KHDRBS2: variants seen among roughly 807,000 people sequenced by gnomAD.
The protein encoded by KHDRBS2 is KH domain-containing, RNA-binding, signal transduction-associated protein 2.
KHDRBS2 carries 26 observed loss-of-function variants against 44.3 expected under a neutral mutation model. The observed-to-expected ratio is 0.59, with a 90% confidence interval of 0.43 to 0.81. The LOEUF (loss-of-function observed/expected upper bound fraction) is 0.81, where lower values mean the gene tolerates loss of function less well. Ranked by LOEUF, KHDRBS2 falls within the 40% of genes least tolerant of loss-of-function variation. The pLI, the probability that KHDRBS2 is intolerant of heterozygous loss-of-function variation, is 0.00. For missense variants in KHDRBS2, 476 were observed against 433.1 expected, an observed-to-expected ratio of 1.10 and a Z score of -0.88; for synonymous variants, 194 against 151.1, an observed-to-expected ratio of 1.28 and a Z score of -2.08.
rs1397120635 is a variant in KHDRBS2, at chr6:62,100,653, C to T, written c.220-52659G>A. On this transcript the variant is annotated intron_variant, in intron 2 of 8. Transcript: ENST00000281156. Reference sequence around the variant, plus strand: ...CCTAACCAGCAAAAAGACTGACTCACTGAAGGTTCAGGAAATCATTGGCAT... The same window carrying T: ...CCTAACCAGCAAAAAGACTGACTCATTGAAGGTTCAGGAAATCATTGGCAT... Among the ~76,000 whole-genome samples the T allele has an allele frequency of 2.0e-5, 3 of 152,292 alleles. No homozygotes were observed. The East Asian group carries it at 5.8e-4, about 29-fold the overall frequency.
the KHDRBS2 span, among the ~76,000 whole-genome samples, chr6:61,598,177 A>T: frequency 6.6e-6 from 1 of 151,226 alleles, no homozygotes; most frequent in East Asian, 2.0e-4. Context: ...AGTGGTAGCC[A>T]TGTCTGTCAG....
intron 4 of KHDRBS2, among the ~76,000 whole-genome samples, chr6:61,954,712 ACATG>A (rs1261669561): frequency 6.7e-4 from 79 of 118,428 alleles, no homozygotes; most frequent in Admixed American, 8.4e-4. Context: ...GTGTATATAC[ACATG>A]CATACTTATG....
chr6:62,077,315 C>T (rs1796539655), intron 2 of KHDRBS2, among the ~76,000 whole-genome samples: 1 of 151,982 alleles, frequency 6.6e-6, no homozygotes, highest in Non-Finnish European at 1.5e-5. Flanking sequence ...ATGAAATTGC[C>T]TGCCAGGCCT....
chr6:62,221,165 A>T (rs1172179406), intron 1 of KHDRBS2, among the ~76,000 whole-genome samples: 1 of 152,020 alleles, frequency 6.6e-6, no homozygotes, highest in African/African-American at 2.4e-5. Context: ...CACAACATGA[A>T]TGAAACTGGA....
chr6:61,736,484 G>A (rs1775383109), intron 6 of KHDRBS2, among the ~76,000 whole-genome samples: 1 of 151,856 alleles, frequency 6.6e-6, no homozygotes, highest in Non-Finnish European at 1.5e-5. Context: ...TTTAGGAATC[G>A]GGCTTTTGGT....
intron 4 of KHDRBS2, among the ~76,000 whole-genome samples, chr6:61,961,528 G>A (rs948568309): frequency 2.0e-5 from 3 of 151,930 alleles, no homozygotes; most frequent in Non-Finnish European, 2.9e-5. Flanking sequence ...CTGGCAAGGG[G>A]AGCAAGATGT....
chr6:62,133,444 A>G (rs1810807189), intron 2 of KHDRBS2, among the ~76,000 whole-genome samples: 1 of 152,208 alleles, frequency 6.6e-6, no homozygotes, highest in Non-Finnish European at 1.5e-5. Flanking sequence ...AGGCCTCTCC[A>G]GTAAGTGGAA....
chr6:61,556,872 A>ATTATTTTT, the KHDRBS2 span, among the ~76,000 whole-genome samples: 1 of 87,456 alleles, frequency 1.1e-5, no homozygotes, highest in Non-Finnish European at 2.2e-5. Context: ...TGAAATTGAG[A>ATTATTTTT]TTTTTTTTTT....
chr6:61,582,552 A>G, the KHDRBS2 span, among the ~76,000 whole-genome samples: 1 of 151,774 alleles, frequency 6.6e-6, no homozygotes, highest in African/African-American at 2.4e-5. Flanking sequence ...TATAAAGAAC[A>G]AAATTTCTAT....
At chr6:62,027,687 C>T (rs188650315) in intron 3 of KHDRBS2, among the ~76,000 whole-genome samples, 3 of 152,102 alleles carry the variant, frequency 2.0e-5, no homozygotes, top group East Asian at 1.9e-4. Context: ...TAATAACATG[C>T]TTATGAAATG....
At chr6:62,215,766 T>C (rs1025200658) in intron 1 of KHDRBS2, among the ~76,000 whole-genome samples, 1 of 151,786 alleles carries the variant, frequency 6.6e-6, no homozygotes, top group Admixed American at 6.6e-5. Context: ...TAATAAATCA[T>C]AGATTTTCAG....
At chr6:61,728,477 A>T (rs763496469) in intron 7 of KHDRBS2, among the ~76,000 whole-genome samples, 10 of 152,206 alleles carry the variant, frequency 6.6e-5, no homozygotes, top group Non-Finnish European at 1.3e-4. Context: ...AGATTTAGCT[A>T]CAAAGATATT....
At chr6:62,123,806 G>C (rs953850144) in intron 2 of KHDRBS2, among the ~76,000 whole-genome samples, 16 of 152,148 alleles carry the variant, frequency 1.1e-4, no homozygotes, top group Non-Finnish European at 1.5e-4. Flanking sequence ...AGGCAGTCTG[G>C]GACCTGTGGA....
At chr6:61,595,244 G>C in the KHDRBS2 span, among the ~76,000 whole-genome samples, 1 of 152,080 alleles carries the variant, frequency 6.6e-6, no homozygotes, top group Non-Finnish European at 1.5e-5. Context: ...AAGGAAATTA[G>C]TGTCTCAAAG....
At chr6:62,028,564 G>A (rs1783789711) in intron 3 of KHDRBS2, among the ~76,000 whole-genome samples, 1 of 152,000 alleles carries the variant, frequency 6.6e-6, no homozygotes, top group African/African-American at 2.4e-5. Context: ...TATGAACCAT[G>A]AAATCTATAT....
chr6:61,626,073 A>T, the KHDRBS2 span, among the ~76,000 whole-genome samples: 3 of 152,230 alleles, frequency 2.0e-5, no homozygotes, highest in South Asian at 6.2e-4. Flanking sequence ...GCAAAATTCC[A>T]ATATAGTGTA....
intron 1 of KHDRBS2, among the ~76,000 whole-genome samples, chr6:62,254,219 C>T (rs542577997): frequency 3.9e-5 from 6 of 152,074 alleles, no homozygotes; most frequent in East Asian, 1.9e-4. Flanking sequence ...TATTAAAGTG[C>T]TACAGAGTCC....
the KHDRBS2 span, among the ~76,000 whole-genome samples, chr6:61,585,855 T>C: frequency 5.9e-5 from 9 of 152,166 alleles, no homozygotes; most frequent in African/African-American, 2.2e-4. Context: ...GTTCACTGGG[T>C]ATCTAACTGA....
chr6:62,027,043 G>C lies in KHDRBS2; in HGVS notation c.336+20835C>G, dbSNP rs145546808. On this transcript the variant is annotated intron_variant, in intron 3 of 8. Transcript: ENST00000281156. ...TTTTTTCATTTCGAGAACTCTTATT[G>C]TACATGTGGAGAATGTCTTTGCTTT... 9.0e-5 allele frequency among the ~76,000 whole-genome samples: 13 copies of C among 144,484 alleles called. No individual in the cohort carries two copies. The East Asian group carries it at 2.4e-3, about 27-fold the overall frequency. 94.8% of individuals were successfully genotyped at this position (144,484 alleles called of 152,430 possible).
Sources: gnomAD v4.1 joint callset for allele counts (sites outside exome capture counted in the v4.1 genomes callset) on GRCh38, gnomAD v4.1.1 for gene constraint, MANE v1.5 for transcripts, NCBI Gene and HGNC (gene_info 2026-07-23, HGNC 2026-07-21) for gene names.